The following SLC44A5 variants were observed in gnomAD, a reference collection of about 807,000 sequenced individuals.
SLC44A5 encodes the protein choline transporter-like protein 5.
In SLC44A5, 57 loss-of-function variants were observed where a neutral mutation model predicts 101.8. The ratio of observed to expected loss-of-function variants is 0.56; its 90% CI spans 0.45 to 0.70. SLC44A5 has a LOEUF of 0.70. Ranked by LOEUF, SLC44A5 falls within the 30% of genes least tolerant of loss-of-function variation. The pLI is 0.00. For synonymous variants in SLC44A5, 281 were observed against 290.9 expected (o/e 0.97, Z 0.35); for missense variants, 737 against 853.1 (o/e 0.86, Z 1.70).
At chr1:75,586,572 G>C (rs1176318528) in intron 1 of SLC44A5, among the ~76,000 whole-genome samples, 2 of 150,890 alleles carry the variant, frequency 1.3e-5, no homozygotes, top group African/African-American at 4.9e-5. Context: ...TTGAAATGTA[G>C]TCTCATATGA....
At chr1:75,512,997 C>A (rs901094345) in intron 2 of SLC44A5, among the ~76,000 whole-genome samples, 6 of 152,142 alleles carry the variant, frequency 3.9e-5, no homozygotes, top group Non-Finnish European at 8.8e-5. Flanking sequence ...ATGACTCTAT[C>A]AATTAAGAAG....
At chr1:75,583,645 A>T (rs951311899) in intron 1 of SLC44A5, among the ~76,000 whole-genome samples, 1 of 152,234 alleles carries the variant, frequency 6.6e-6, no homozygotes, top group Admixed American at 6.5e-5. Context: ...AATTATGGAG[A>T]GTCACATGTC....
chr1:75,282,411 G>T (rs761000650), intron 5 of SLC44A5, among the ~76,000 whole-genome samples: 2 of 152,148 alleles, frequency 1.3e-5, no homozygotes, highest in Non-Finnish European at 2.9e-5. Flanking sequence ...TCTCAGATGA[G>T]ACTTTGGACT....
intron 1 of SLC44A5, among the ~76,000 whole-genome samples, chr1:75,602,739 T>G (rs1228595708): frequency 6.6e-6 from 1 of 152,128 alleles, no homozygotes; most frequent in African/African-American, 2.4e-5. Flanking sequence ...CGAAAAAAAG[T>G]ATTTCAAAGT....
At chr1:75,274,682 A>G (rs1651772679) in intron 6 of SLC44A5, among the ~76,000 whole-genome samples, 1 of 152,190 alleles carries the variant, frequency 6.6e-6, no homozygotes, top group African/African-American at 2.4e-5. Context: ...AGCTTCTGAT[A>G]AAATCATTGG....
chr1:75,329,632 C>T (rs1217107729), intron 4 of SLC44A5, among the ~76,000 whole-genome samples: 1 of 152,124 alleles, frequency 6.6e-6, no homozygotes, highest in East Asian at 1.9e-4. Flanking sequence ...AAGGAATAAA[C>T]TAATGCACAA....
chr1:75,356,542 A>G (rs931473252), intron 3 of SLC44A5, among the ~76,000 whole-genome samples: 14 of 152,074 alleles, frequency 9.2e-5, no homozygotes, highest in South Asian at 2.1e-4. Flanking sequence ...AATGATTTAA[A>G]TTTTAAAGTA....
chr1:75,514,012 A>C (rs1263375057), intron 2 of SLC44A5, among the ~76,000 whole-genome samples: 1 of 152,122 alleles, frequency 6.6e-6, no homozygotes. Context: ...CTAATTTAAA[A>C]AAAATTTTTT....
At chr1:75,445,990 T>C (rs1665552509) in intron 2 of SLC44A5, among the ~76,000 whole-genome samples, 1 of 152,114 alleles carries the variant, frequency 6.6e-6, no homozygotes, top group Non-Finnish European at 1.5e-5. Context: ...CAGCAACTCA[T>C]ATGAGCTCTA....
At chr1:75,693,488 T>C in the SLC44A5 span, among the ~76,000 whole-genome samples, 1 of 152,122 alleles carries the variant, frequency 6.6e-6, no homozygotes, top group East Asian at 1.9e-4. Flanking sequence ...CCCTACCCCA[T>C]AGAAGATAGC....
chr1:75,225,383 T>C (rs914013189), intron 13 of SLC44A5, among the ~76,000 whole-genome samples: 3 of 152,168 alleles, frequency 2.0e-5, no homozygotes, highest in Non-Finnish European at 4.4e-5. Flanking sequence ...ACAATGCATT[T>C]CTCAGAACGT....
chr1:75,666,302 C>G, the SLC44A5 span, among the ~76,000 whole-genome samples: 1 of 152,136 alleles, frequency 6.6e-6, no homozygotes, highest in African/African-American at 2.4e-5. Context: ...ATAAACACCT[C>G]TACACAAATA....
At chr1:75,659,493 G>GAAGGAAGGAAGA in the SLC44A5 span, among the ~76,000 whole-genome samples, 208 of 109,018 alleles carry the variant, frequency 1.9e-3, 9 homozygotes, top group East Asian at 0.012. Context: ...AGGAAGGAAG[G>GAAGGAAGGAAGA]CAGGCAGGCA....
intron 2 of SLC44A5, among the ~76,000 whole-genome samples, chr1:75,538,306 T>C (rs1258320882): frequency 2.6e-5 from 4 of 152,214 alleles, no homozygotes; most frequent in Non-Finnish European, 5.9e-5. Flanking sequence ...AGCATCTAAA[T>C]GTCTCAACCT....
intron 2 of SLC44A5, among the ~76,000 whole-genome samples, chr1:75,518,379 G>A (rs1001444930): frequency 6.6e-6 from 1 of 152,118 alleles, no homozygotes; most frequent in African/African-American, 2.4e-5. Flanking sequence ...ATTAAATTAA[G>A]TCCCCATTGT....
intron 1 of SLC44A5, among the ~76,000 whole-genome samples, chr1:75,603,310 ATTTT>A (rs1675101073): frequency 6.7e-6 from 1 of 150,018 alleles, no homozygotes; most frequent in African/African-American, 2.5e-5. Flanking sequence ...AAAGGAAATG[ATTTT>A]GTTCTTTTTT....
chr1:75,423,040 C>A (rs979421058), intron 2 of SLC44A5, among the ~76,000 whole-genome samples: 8 of 152,170 alleles, frequency 5.3e-5, no homozygotes, highest in African/African-American at 1.9e-4. Context: ...AAGCTAGTTC[C>A]ATTTATTGAC....
At chr1:75,530,929 G>T (rs1670680867) in intron 2 of SLC44A5, among the ~76,000 whole-genome samples, 1 of 152,158 alleles carries the variant, frequency 6.6e-6, no homozygotes, top group African/African-American at 2.4e-5. Context: ...GAAAATTAAT[G>T]AATATTAAAG....
chr1:75,419,474 A>G (rs977984447), intron 2 of SLC44A5, among the ~76,000 whole-genome samples: 2 of 151,988 alleles, frequency 1.3e-5, no homozygotes, highest in African/African-American at 4.8e-5. Flanking sequence ...AGAGAGAGAA[A>G]AAAAAAAAGG....
Sources: allele counts gnomAD v4.1 joint callset (sites outside exome capture counted in the v4.1 genomes callset), GRCh38; gene constraint gnomAD v4.1.1; transcripts MANE v1.5; gene names NCBI Gene and HGNC (gene_info 2026-07-23, HGNC 2026-07-21).